The following ABCD2 variants were observed in gnomAD, a reference collection of about 807,000 sequenced individuals.
The protein encoded by ABCD2 is ATP binding cassette subfamily D member 2.
In ABCD2, 36 loss-of-function variants were observed where a neutral mutation model predicts 70.9. The observed-to-expected ratio is 0.51, with a 90% CI of 0.39 to 0.67. The LOEUF (loss-of-function observed/expected upper bound fraction) is 0.67, where lower values mean the gene tolerates loss of function less well. Among genes scored for constraint, ABCD2 ranks in the 30% least tolerant of loss-of-function variants. ABCD2 has a pLI of 0.00. For missense variants in ABCD2, 729 were observed against 890.2 expected (o/e 0.82, Z 2.30); for synonymous variants, 304 against 306.9 (o/e 0.99, Z 0.10).
intron 6 of ABCD2, among the ~76,000 whole-genome samples, chr12:39,597,087 C>T (rs1456942774): frequency 6.6e-6 from 1 of 151,792 alleles, no homozygotes; most frequent in Non-Finnish European, 1.5e-5. Flanking sequence ...ATACAGAGGC[C>T]CAACTGTAAT....
intron 5 of ABCD2, among the ~76,000 whole-genome samples, chr12:39,603,415 C>T (rs1941927063): frequency 6.6e-6 from 1 of 151,798 alleles, no homozygotes. Context: ...AAATTATTGT[C>T]AACAGAATTA....
chr12:39,603,130 T>C (rs1213525857), intron 5 of ABCD2, among the ~76,000 whole-genome samples: 1 of 152,174 alleles, frequency 6.6e-6, no homozygotes, highest in African/African-American at 2.4e-5. Context: ...CAAATACATC[T>C]TTAATAATTA....
At chr12:39,560,368 C>T in intron 9 of ABCD2, among the ~76,000 whole-genome samples, 1 of 152,104 alleles carries the variant, frequency 6.6e-6, no homozygotes, top group East Asian at 1.9e-4. Flanking sequence ...GCATAGTATT[C>T]CATGGTGTAT....
the ABCD2 span, among the ~76,000 whole-genome samples, chr12:39,543,453 T>G: frequency 6.6e-6 from 1 of 152,344 alleles, no homozygotes; most frequent in Non-Finnish European, 1.5e-5. Flanking sequence ...CTCTCTTATG[T>G]CCTTTTCCTT....
chr12:39,599,111 A>G (rs1303801325), intron 6 of ABCD2, among the ~76,000 whole-genome samples: 4 of 152,218 alleles, frequency 2.6e-5, no homozygotes, highest in African/African-American at 9.6e-5. Context: ...TAACTAAGAA[A>G]AAGTTTCCTA....
chr12:39,534,555 T>C, the ABCD2 span, among the ~76,000 whole-genome samples: 1 of 151,852 alleles, frequency 6.6e-6, no homozygotes, highest in Non-Finnish European at 1.5e-5. Flanking sequence ...CTCACACTTG[T>C]AATCCTAGCA....
In ABCD2 at chr12:39,604,406, AT is replaced by A. The variant is rs572454328; in HGVS notation, c.1405+355del. On this transcript the variant is annotated intron_variant, in intron 4 of 9. Transcript: ENST00000308666. The stretch of plus-strand genomic sequence containing the variant: ...ACATAGAATAATGCAATTTTAAAAA[AT>A]ATGTAACCAAATTTAAGTTTAGAAA... Among the ~76,000 whole-genome samples, 756 of 152,218 alleles carry A rather than the reference AT, an allele frequency of 5.0e-3. 5 individuals carry two copies. The highest frequency in any genetic ancestry group is 6.9e-3 in the Non-Finnish European group (469 of 67,912).
chr12:39,579,707 T>G, intron 7 of ABCD2, 88 bp from the exon 8 acceptor site: 7 of 1,014,734 alleles, frequency 6.9e-6, no homozygotes, highest in Non-Finnish European at 1.0e-5. Context: ...CCTGACAAAT[T>G]CAAATTGTCA....
chr12:39,604,075 A>T (rs1941938087), intron 4 of ABCD2, 69 bp from the exon 5 acceptor site: 1 of 1,076,314 alleles, frequency 9.3e-7, no homozygotes, highest in Non-Finnish European at 1.4e-6. Context: ...GTAAATTATT[A>T]TGCAGTATAA....
At position 39,558,750 on chromosome 12, in the gene ABCD2, C is replaced by A. The variant is rs148593850; in HGVS notation, c.2004-4619G>T. Among the ~76,000 whole-genome samples, 448 of 152,232 alleles carry A rather than the reference C, an allele frequency of 2.9e-3. 2 individuals are homozygous for A. The highest frequency in any genetic ancestry group is 1.0e-2 in the African/African-American group (414 of 41,546). ...ACTGTGAGTCAATTAAGCCTCTTTT[C>A]TTTATAAATTATCCAGTCTCAGGCA... is the stretch of plus-strand genomic sequence containing the variant. On this transcript the variant is annotated intron_variant, in intron 9 of 9. Coordinates refer to ENST00000308666, the MANE Select transcript of ABCD2 (RefSeq NM_005164.4).
chr12:39,603,431 T>G (rs930000653), intron 5 of ABCD2, among the ~76,000 whole-genome samples: 7 of 152,072 alleles, frequency 4.6e-5, no homozygotes, highest in African/African-American at 1.7e-4. Context: ...AATTAAAAAC[T>G]AAATTCCAAT....
At chr12:39,536,247 C>T in the ABCD2 span, among the ~76,000 whole-genome samples, 1 of 152,162 alleles carries the variant, frequency 6.6e-6, no homozygotes, top group Admixed American at 6.5e-5. Flanking sequence ...TTTATTTGTT[C>T]CCTACATCAT....
In ABCD2 at chr12:39,553,795, A is replaced by G; in HGVS notation, c.*117T>C. The G allele has an allele frequency of 1.3e-6, 1 of 748,636 alleles. No individual in the cohort carries two copies. The highest frequency in any genetic ancestry group is 2.0e-5 in the South Asian group (1 of 50,398). The allele number at this position is 748,636 out of a possible 1,614,324, so 46.4% of individuals were successfully genotyped here. ...TACTTCCTTAATGCTAAAATCTTAT[A>G]AAACATGTCTTGCTGCCTTTTTTTC... On this transcript the variant is annotated 3_prime_UTR_variant, in exon 10 of 10. Coordinates refer to ENST00000308666, the MANE Select transcript of ABCD2 (RefSeq NM_005164.4).
chr12:39,573,630 C>G, intron 9 of ABCD2, 86 bp downstream of exon 9: 1 of 1,483,702 alleles, frequency 6.7e-7, no homozygotes, highest in African/African-American at 1.4e-5. Context: ...ATACCCTACC[C>G]TCTACTGTGA....
rs117275340 is a variant in ABCD2, at chr12:39,619,590, G to C, written c.26C>G (p.Ala9Gly). Residue 9 changes from alanine (A) to glycine (G), a missense_variant, in exon 1 of 10, where the codon GCT (alanine) becomes GGT (glycine). Around this residue, in one of 3 missense-constraint regions of ABCD2, gnomAD observed 245 missense variants for 261.2 expected, o/e 0.94. Coordinates refer to ENST00000308666, the MANE Select transcript of ABCD2 (RefSeq NM_005164.4). Reference protein sequence around the residue: MTHMLNAAADRVKWTRSSA... With the variant: MTHMLNAAGDRVKWTRSSA... ...CGATCTGGTCCATTTCACTCGATCA[G>C]CTGCTGCATTTAGCATATGTGTCAT... 0.017 allele frequency: 27,500 copies of C among 1,609,860 alleles called. 295 individuals carry two copies. The highest frequency in any genetic ancestry group is 0.024 in the Middle Eastern group (144 of 6,062).
intron 4 of ABCD2, 100 bp downstream of exon 4, chr12:39,604,662 T>C (rs549616915): frequency 2.0e-5 from 18 of 903,784 alleles, no homozygotes; most frequent in Middle Eastern, 3.7e-4. Context: ...GTTATTTAAA[T>C]GTTGGTACTT....
chr12:39,604,631 A>T (rs996963803), intron 4 of ABCD2, 131 bp downstream of exon 4: 3 of 637,498 alleles, frequency 4.7e-6, no homozygotes, highest in South Asian at 3.0e-5. Context: ...AATATTAGGG[A>T]TTGCTGTTTA....
intron 9 of ABCD2, among the ~76,000 whole-genome samples, chr12:39,557,414 G>A (rs1941185262): frequency 6.6e-6 from 1 of 152,154 alleles, no homozygotes; most frequent in East Asian, 1.9e-4. Flanking sequence ...TGGAACTTAT[G>A]TTTGAAAGGA....
At chr12:39,571,370 GGAATACTACTCCACTGTAAAAAA>G (rs1362691283) in intron 9 of ABCD2, among the ~76,000 whole-genome samples, 1 of 152,008 alleles carries the variant, frequency 6.6e-6, no homozygotes, top group African/African-American at 2.4e-5. Context: ...TATACATGAT[GGAATACTACTCCACTGTAAAAAA>G]GAATAAAATC....
Sources: gnomAD v4.1 joint callset for allele counts (sites outside exome capture counted in the v4.1 genomes callset) on GRCh38, gnomAD v4.1.1 for gene constraint, gnomAD v4.1.1 regional missense constraint, MANE v1.5 for transcripts, NCBI Gene and HGNC (gene_info 2026-07-23, HGNC 2026-07-21) for gene names.